The following PTPRM variants were observed in gnomAD, a reference collection of about 807,000 sequenced individuals.
PTPRM encodes the protein receptor-type tyrosine-protein phosphatase mu.
A neutral mutation model predicts 186.7 loss-of-function variants in PTPRM; 47 were observed. The observed-to-expected ratio is 0.25, with a 90% CI of 0.20 to 0.32. The LOEUF (loss-of-function observed/expected upper bound fraction) is 0.32, where lower values mean the gene tolerates loss of function less well. Among genes scored for constraint, PTPRM ranks in the 10% least tolerant of loss-of-function variants. The probability of loss-of-function intolerance (pLI) is 1.00; values close to 1 mark genes in which losing one functional copy is unlikely to be tolerated. For missense variants in PTPRM, 1,494 were observed against 1,865.0 expected, an observed-to-expected ratio of 0.80 and a Z score of 3.66; for synonymous variants, 668 against 674.9, an observed-to-expected ratio of 0.99 and a Z score of 0.16.
At position 7,949,335 on chromosome 18, in the gene PTPRM, A is replaced by C; in HGVS notation, c.818A>C (p.Tyr273Ser). Reference sequence around the variant, plus strand: ...GAAGGAGGTGTTGGAATATCAAACTATGCAGAGTTGGTAGTTAAAGGTATT... The same window carrying C: ...GAAGGAGGTGTTGGAATATCAAACTCTGCAGAGTTGGTAGTTAAAGGTATT... ...RTEGGVGISN[Y>S]AELVVKEPPV... Residue 273 changes from tyrosine to serine, a missense_variant, in exon 6 of 33, where the codon TAT (tyrosine) becomes TCT (serine). Coordinates refer to ENST00000580170, the MANE Select transcript of PTPRM (RefSeq NM_001105244.2). 2 of 1,613,500 alleles carry C rather than the reference A, an allele frequency of 1.2e-6. No individual in the cohort carries two copies. The highest frequency in any genetic ancestry group is 8.5e-7 in the Non-Finnish European group (1 of 1,179,586).
intron 1 of PTPRM, among the ~76,000 whole-genome samples, chr18:7,596,895 C>T (rs952901185): frequency 1.3e-5 from 2 of 151,740 alleles, no homozygotes; most frequent in Non-Finnish European, 2.9e-5. Context: ...TCTCTGTCAC[C>T]CAGGCTGGAG....
At chr18:8,289,937 G>A (rs1386132259) in intron 19 of PTPRM, among the ~76,000 whole-genome samples, 1 of 152,138 alleles carries the variant, frequency 6.6e-6, no homozygotes, top group Non-Finnish European at 1.5e-5. Flanking sequence ...TAGCCGTGAA[G>A]CATCACATGC....
intron 19 of PTPRM, among the ~76,000 whole-genome samples, chr18:8,268,264 C>T (rs1264612050): frequency 1.3e-5 from 2 of 152,090 alleles, no homozygotes; most frequent in East Asian, 3.8e-4. Context: ...TTCAATAAAG[C>T]TTCAAAATCT....
At chr18:7,834,061 G>A (rs1330456239) in intron 2 of PTPRM, among the ~76,000 whole-genome samples, 1 of 152,068 alleles carries the variant, frequency 6.6e-6, no homozygotes, top group South Asian at 2.1e-4. Context: ...GATACTAGCT[G>A]TGGGTCTGTT....
At position 7,568,948 on chromosome 18, in the gene PTPRM, CA is replaced by C. The variant is rs2036505558; in HGVS notation, c.73+1058del. ...TTTCTAGTGTTTATTAGATTAGTTT[CA>C]TTAAGGTCCACATGCAGTGGGGGCG... On this transcript the variant is annotated intron_variant, in intron 1 of 32. Transcript: ENST00000580170. This position sits in a 1 kb window ranked among gnomAD's most constrained non-coding sequence, Gnocchi z 5.1. 6.6e-6 allele frequency among the ~76,000 whole-genome samples: 1 copy of C among 152,158 alleles called. No individual in the cohort carries two copies. The highest frequency in any genetic ancestry group is 2.4e-5 in the African/African-American group (1 of 41,442).
At chr18:8,025,625 G>A (rs2085521099) in intron 7 of PTPRM, among the ~76,000 whole-genome samples, 1 of 152,130 alleles carries the variant, frequency 6.6e-6, no homozygotes, top group African/African-American at 2.4e-5. Flanking sequence ...TACAGTAGCA[G>A]AAACATAAGA....
At chr18:7,783,970 G>A (rs1316590890) in intron 2 of PTPRM, among the ~76,000 whole-genome samples, 1 of 151,934 alleles carries the variant, frequency 6.6e-6, no homozygotes, top group Non-Finnish European at 1.5e-5. Context: ...GGCCATCACT[G>A]TGCTAACCGG....
chr18:7,890,378 G>C (rs764011867), intron 3 of PTPRM, among the ~76,000 whole-genome samples: 1 of 152,146 alleles, frequency 6.6e-6, no homozygotes, highest in East Asian at 1.9e-4. Flanking sequence ...TGGTGTTTAT[G>C]AGTTAAGATC....
At chr18:7,980,632 C>T (rs2082497478) in intron 7 of PTPRM, among the ~76,000 whole-genome samples, 1 of 152,150 alleles carries the variant, frequency 6.6e-6, no homozygotes, top group African/African-American at 2.4e-5. Flanking sequence ...AGTCCTCCCA[C>T]CTCGGCCTCT....
chr18:7,958,845 A>G (rs778927968), intron 7 of PTPRM, among the ~76,000 whole-genome samples: 37 of 152,192 alleles, frequency 2.4e-4, no homozygotes, highest in Non-Finnish European at 4.6e-4. Flanking sequence ...AATAAATTTG[A>G]AGGACTGACT....
At chr18:7,943,362 TG>T in intron 5 of PTPRM, among the ~76,000 whole-genome samples, 1 of 152,280 alleles carries the variant, frequency 6.6e-6, no homozygotes, top group Admixed American at 6.5e-5. Flanking sequence ...TTGCTGTCTT[TG>T]GGCTGCTATT....
intron 1 of PTPRM, among the ~76,000 whole-genome samples, chr18:7,749,831 T>A (rs933195909): frequency 1.3e-5 from 2 of 152,222 alleles, no homozygotes; most frequent in Admixed American, 1.3e-4. Flanking sequence ...AGTTAAGCAA[T>A]TGTGTTTTTA....
intron 14 of PTPRM, among the ~76,000 whole-genome samples, chr18:8,163,433 T>C (rs923819231): frequency 2.0e-5 from 3 of 152,180 alleles, no homozygotes; most frequent in African/African-American, 7.2e-5. Context: ...GTCCAGTCTC[T>C]TTCACCGTAT....
intron 1 of PTPRM, among the ~76,000 whole-genome samples, chr18:7,622,252 T>A (rs2037957853): frequency 6.6e-6 from 1 of 152,160 alleles, no homozygotes; most frequent in Non-Finnish European, 1.5e-5. Context: ...TGTTCTTTTT[T>A]TTTGGTTTAA....
At chr18:7,587,671 G>A (rs2037014963) in intron 1 of PTPRM, among the ~76,000 whole-genome samples, 1 of 151,650 alleles carries the variant, frequency 6.6e-6, no homozygotes, top group Non-Finnish European at 1.5e-5. Context: ...GAAGTCATTG[G>A]GAAAACAAAA....
chr18:7,812,133 G>C (rs1407457665), intron 2 of PTPRM, among the ~76,000 whole-genome samples: 1 of 152,190 alleles, frequency 6.6e-6, no homozygotes, highest in Non-Finnish European at 1.5e-5. Context: ...TTATCTCTGT[G>C]ATAACAATAT....
At chr18:8,289,478 GTA>G (rs200296079) in intron 19 of PTPRM, among the ~76,000 whole-genome samples, 9 of 87,528 alleles carry the variant, frequency 1.0e-4, no homozygotes, top group African/African-American at 3.7e-4. Context: ...ACACACATAT[GTA>G]TATATATACA....
rs867299618 is a variant in PTPRM, at chr18:7,966,609, C to T, written c.1132+11195C>T. ...GGTCAGTGGGTGCGCGCACCGTGCG[C>T]GAGCCGAAGCAGGGCGAGGCATTGC... On this transcript the variant is annotated intron_variant, in intron 7 of 32. Coordinates refer to ENST00000580170, the MANE Select transcript of PTPRM (RefSeq NM_001105244.2). Among the ~76,000 whole-genome samples, 11 of 147,266 alleles carry T rather than the reference C, an allele frequency of 7.5e-5. 1 individual carries two copies. Among genetic ancestry groups the T allele is most frequent in the South Asian group, 4.4e-4 (2 of 4,546 alleles).
chr18:8,247,339 A>G (rs572388798), intron 15 of PTPRM, among the ~76,000 whole-genome samples: 1 of 152,326 alleles, frequency 6.6e-6, no homozygotes, highest in East Asian at 1.9e-4. Flanking sequence ...TAAAATACTA[A>G]GGAACACGCA....
Sources: allele counts gnomAD v4.1 joint callset (sites outside exome capture counted in the v4.1 genomes callset), GRCh38; gene constraint gnomAD v4.1.1; non-coding constraint Gnocchi (gnomAD v3.1); transcripts MANE v1.5; gene names NCBI Gene and HGNC (gene_info 2026-07-23, HGNC 2026-07-21).